The following PLEKHG1 variants were observed in gnomAD, a reference collection of about 807,000 sequenced individuals.
The protein encoded by PLEKHG1 is pleckstrin homology and RhoGEF domain containing G1.
Under a neutral mutation model 100.8 loss-of-function variants are expected in PLEKHG1, and 44 were observed. The observed-to-expected ratio is 0.44, with a 90% CI of 0.34 to 0.56. The LOEUF (loss-of-function observed/expected upper bound fraction) is 0.56. PLEKHG1 is among the 20% of genes least tolerant of loss of function. PLEKHG1 has a pLI of 0.01. For synonymous variants in PLEKHG1, 640 were observed against 662.5 expected, an observed-to-expected ratio of 0.97 and a Z score of 0.52; for missense variants, 1,545 against 1,720.9, an observed-to-expected ratio of 0.90 and a Z score of 1.81.
intron 3 of PLEKHG1, among the ~76,000 whole-genome samples, chr6:150,678,238 T>C (rs919558253): frequency 6.6e-6 from 1 of 151,826 alleles, no homozygotes; most frequent in Non-Finnish European, 1.5e-5. Flanking sequence ...CCAGAGCCTG[T>C]TCCTCCTGTC....
intron 10 of PLEKHG1, among the ~76,000 whole-genome samples, chr6:150,810,319 G>A (rs1787417082): frequency 6.7e-6 from 1 of 148,714 alleles, no homozygotes; most frequent in East Asian, 2.1e-4. Flanking sequence ...ACCCAGGCTG[G>A]AGTGCAGTGG....
At chr6:150,734,889 C>T (rs746297118) in intron 2 of PLEKHG1, among the ~76,000 whole-genome samples, 5 of 151,364 alleles carry the variant, frequency 3.3e-5, no homozygotes, top group African/African-American at 9.7e-5. Context: ...TTTTCTGGGT[C>T]GTTTTAAAGG....
chr6:150,668,701 A>T (rs1000297143), intron 3 of PLEKHG1, among the ~76,000 whole-genome samples: 4 of 152,212 alleles, frequency 2.6e-5, no homozygotes, highest in African/African-American at 7.2e-5. Context: ...CTTTATGTGT[A>T]ATCACTGAAA....
exon 15 of PLEKHG1, chr6:150,832,083 A>G (rs1776974222): frequency 1.9e-6 from 3 of 1,614,188 alleles, no homozygotes; most frequent in African/African-American, 1.3e-5. Context: ...AAGAAGGCGA[A>G]TCAACTTTTA....
Position 150,831,831 on chromosome 6 carries a change from C to G in PLEKHG1, c.2720C>G (p.Ala907Gly). 1.2e-6 allele frequency: 2 copies of G among 1,612,194 alleles called. No individual in the cohort carries two copies. Among genetic ancestry groups the G allele is most frequent in the Non-Finnish European group, 1.7e-6 (2 of 1,178,912 alleles). The change falls in exon 15 of 16, where the codon GCT becomes GGT. Residue 907 changes from alanine to glycine, a missense_variant. Physicochemically the swap from Ala to Gly is moderately conservative, Grantham distance 60. Transcript: ENST00000358517. The surrounding 1 kb of genome is among the most constrained non-coding windows in gnomAD (Gnocchi z 4.1). ...CTCCTCACGCCCGTGAAGAGCAGGGCTGGCAGAGCCAGCCGCGCCAACTGC... is the reference window on the plus strand; with the variant it reads ...CTCCTCACGCCCGTGAAGAGCAGGGGTGGCAGAGCCAGCCGCGCCAACTGC...
intron 11 of PLEKHG1, among the ~76,000 whole-genome samples, chr6:150,819,371 C>A (rs966397455): frequency 2.0e-5 from 3 of 151,948 alleles, no homozygotes; most frequent in Admixed American, 2.0e-4. Context: ...TCAAGACCAG[C>A]CTGGCCAACA....
chr6:150,768,822 G>A lies in PLEKHG1; in HGVS notation c.512+84G>A, dbSNP rs547295921. 6.7e-5 allele frequency: 52 copies of A among 776,310 alleles called. No homozygotes were observed. The East Asian group carries it at 1.3e-3, about 20-fold the overall frequency. The allele number at this position is 776,310 out of a possible 1,614,324, so 48.1% of individuals were successfully genotyped here. A position where few individuals can be genotyped will look rare whatever the true frequency, so the allele number is the denominator to read the frequency against. On this transcript the variant is annotated intron_variant, in intron 3 of 15. Coordinates refer to ENST00000358517, the Ensembl canonical transcript of PLEKHG1. ...GAATGCAGCCTAAGAAACTTTACCT[G>A]TAACCCCTGACTCAGCTTCATATAT...
chr6:150,831,100 C>T lies in PLEKHG1; in HGVS notation c.1989C>T (p.Asn663=). The T allele has an allele frequency of 6.2e-7, 1 of 1,614,006 alleles. No individual in the cohort carries two copies. Among genetic ancestry groups the T allele is most frequent in the Non-Finnish European group, 8.5e-7 (1 of 1,179,906 alleles). Residue 663 remains asparagine (N), a synonymous_variant, in exon 15 of 16, where the codon AAC becomes AAT. Transcript: ENST00000358517. The surrounding 1 kb of genome is among the most constrained non-coding windows in gnomAD (Gnocchi z 4.1). ...ATGACATAGACCATGTCTATGATAA[C>T]ATCAGTTATGAGGACTTAAAACTAA...
rs1781769305 is a variant in PLEKHG1 at position 150,722,829 on chromosome 6, T to A, written c.-99+1629T>A. On this transcript the variant is annotated intron_variant, in intron 1 of 15. Coordinates refer to ENST00000358517, the Ensembl canonical transcript of PLEKHG1. The stretch of plus-strand genomic sequence containing the variant: ...CAGGGATGTTTTGGAACTGAGTGCG[T>A]TCCATACAGATGGAGCTTGTATATA... Among the ~76,000 whole-genome samples, 3 of 152,208 alleles carry A rather than the reference T, an allele frequency of 2.0e-5. 1 individual carries two copies. In the South Asian group the frequency reaches 6.2e-4, roughly 32 times the overall value.
chr6:150,788,676 C>T (rs1785776236), intron 4 of PLEKHG1, among the ~76,000 whole-genome samples: 1 of 152,172 alleles, frequency 6.6e-6, no homozygotes. Context: ...CTGCCTTTAC[C>T]TCCACCTTCA....
At chr6:150,725,889 A>G (rs1322101032) in intron 1 of PLEKHG1, among the ~76,000 whole-genome samples, 1 of 152,148 alleles carries the variant, frequency 6.6e-6, no homozygotes, top group South Asian at 2.1e-4. Context: ...CATGTGATAT[A>G]AGAACATGTG....
intron 3 of PLEKHG1, among the ~76,000 whole-genome samples, chr6:150,666,438 G>A (rs1370981334): frequency 2.0e-5 from 3 of 152,108 alleles, no homozygotes; most frequent in African/African-American, 4.8e-5. Context: ...CCTCTGCTTC[G>A]GCTGTGTTGG....
At chr6:150,824,777 G>T (rs147630877) in intron 14 of PLEKHG1, among the ~76,000 whole-genome samples, 6 of 152,090 alleles carry the variant, frequency 3.9e-5, no homozygotes, top group African/African-American at 1.4e-4. Flanking sequence ...TGACCCACCC[G>T]TCTCAGCCTC....
At chr6:150,791,676 GAAA>G (rs34212457) in intron 4 of PLEKHG1, among the ~76,000 whole-genome samples, 2 of 103,792 alleles carry the variant, frequency 1.9e-5, no homozygotes, top group Non-Finnish European at 4.2e-5. Context: ...TCTCAAAAAA[GAAA>G]AAAAAAAAAA....
intron 1 of PLEKHG1, among the ~76,000 whole-genome samples, chr6:150,634,016 C>T (rs970930624): frequency 1.8e-4 from 27 of 146,208 alleles, no homozygotes; most frequent in Non-Finnish European, 2.9e-4. Context: ...CCGAGGCAGG[C>T]GAATCACCTG....
chr6:150,699,979 T>C (rs76929448), intron 3 of PLEKHG1, among the ~76,000 whole-genome samples: 6,559 of 152,302 alleles, frequency 0.043, 454 homozygotes, highest in African/African-American at 0.15. Context: ...TCACTGGTTT[T>C]GGTAAATAGC....
At chr6:150,793,727 C>T (rs1020774011) in intron 4 of PLEKHG1, among the ~76,000 whole-genome samples, 5 of 152,116 alleles carry the variant, frequency 3.3e-5, no homozygotes, top group African/African-American at 1.2e-4. Context: ...TGCCAAATTA[C>T]GGAACCTAAA....
At chr6:150,695,988 A>G (rs1780528520) in intron 3 of PLEKHG1, among the ~76,000 whole-genome samples, 1 of 152,166 alleles carries the variant, frequency 6.6e-6, no homozygotes, top group Non-Finnish European at 1.5e-5. Flanking sequence ...AAAAATGTTA[A>G]TTTTTTACTT....
chr6:150,689,966 G>T (rs1224964819), intron 3 of PLEKHG1, among the ~76,000 whole-genome samples: 1 of 151,832 alleles, frequency 6.6e-6, no homozygotes, highest in Non-Finnish European at 1.5e-5. Flanking sequence ...ATTTATAGTT[G>T]CAATTGTTTC....
Sources: gnomAD v4.1 joint callset for allele counts (sites outside exome capture counted in the v4.1 genomes callset) on GRCh38, gnomAD v4.1.1 for gene constraint, Gnocchi (gnomAD v3.1) non-coding constraint, MANE v1.5 for transcripts, NCBI Gene and HGNC (gene_info 2026-07-23, HGNC 2026-07-21) for gene names.